TNS1: variants seen among roughly 807,000 people sequenced by gnomAD.
TNS1 encodes tensin-1.
Under a neutral mutation model 168.6 loss-of-function variants are expected in TNS1, and 62 were observed. The ratio of observed to expected loss-of-function variants is 0.37; its 90% CI spans 0.30 to 0.45. The LOEUF (loss-of-function observed/expected upper bound fraction) is 0.45, where lower values mean the gene tolerates loss of function less well. Among genes scored for constraint, TNS1 ranks in the 20% least tolerant of loss-of-function variants. The pLI is 1.00. For synonymous variants in TNS1, 934 were observed against 933.2 expected, an observed-to-expected ratio of 1.00 and a Z score of -0.02; for missense variants, 2,240 against 2,339.4, an observed-to-expected ratio of 0.96 and a Z score of 0.88.
chr2:218,013,534 C>A (rs1190665686), upstream of TNS1, among the ~76,000 whole-genome samples: 6 of 152,278 alleles, frequency 3.9e-5, no homozygotes, highest in Admixed American at 3.3e-4. Flanking sequence ...CCCCCAGCTC[C>A]TCGCATCTCC....
Position 217,901,742 on chromosome 2 carries a change from G to C in TNS1, c.322-1230C>G, listed in dbSNP as rs1368784691. On this transcript the variant is annotated intron_variant, in intron 6 of 32. Coordinates refer to ENST00000682258, the MANE Select transcript of TNS1 (RefSeq NM_001387777.1). ...TCCCTGGGAAGTTGACGGCCAGGCA[G>C]GATTCACACTCCAACCTGGGGCTTG... 2.0e-5 allele frequency: 3 copies of C among 152,376 alleles called. No homozygotes were observed. The East Asian group carries it at 5.8e-4, about 29-fold the overall frequency. The allele number at this position is 152,376 out of a possible 1,614,324, so 9.4% of individuals were successfully genotyped here. A position where few individuals can be genotyped will look rare whatever the true frequency, so the allele number is the denominator to read the frequency against.
chr2:217,818,012 C>G lies in TNS1; in HGVS notation c.4320G>C (p.Leu1440=), dbSNP rs1379266242. The change falls in exon 24 of 33, where the codon CTG becomes CTC. Residue 1440 remains leucine, a synonymous_variant. Coordinates refer to ENST00000682258, the MANE Select transcript of TNS1 (RefSeq NM_001387777.1). ...AGCCAGAGGCACTGCTCTGCCGGGA[C>G]AGTGTGGGTCTCCGATCCTCCGGGG... ...YSTPEDRRPT[L]SRQSSASGYQ... is the part of the protein sequence containing the mutation. 9 of 1,597,296 alleles carry G rather than the reference C, an allele frequency of 5.6e-6. No homozygotes were observed. The highest frequency in any genetic ancestry group is 1.1e-5 in the South Asian group (1 of 88,930).
upstream of TNS1, among the ~76,000 whole-genome samples, chr2:218,013,933 G>T (rs1442070174): frequency 6.6e-6 from 1 of 152,196 alleles, no homozygotes; most frequent in Non-Finnish European, 1.5e-5. Flanking sequence ...CCCCAAGTTT[G>T]CCCTGGATCT....
chr2:217,954,456 C>T (rs143371070), intron 3 of TNS1, among the ~76,000 whole-genome samples: 596 of 152,254 alleles, frequency 3.9e-3, no homozygotes, highest in African/African-American at 0.013. Context: ...GAGGGTGCTC[C>T]GGGTACTCTA....
rs140104262 is a variant in TNS1, at chr2:217,818,034, G to C, written c.4298C>G (p.Pro1433Arg). Residue 1433 changes from proline to arginine, a missense_variant, in exon 24 of 33, where the codon CCG becomes CGG. Physicochemically the swap from Pro to Arg is moderately radical, Grantham distance 103. Coordinates refer to ENST00000682258, the MANE Select transcript of TNS1 (RefSeq NM_001387777.1). The stretch of plus-strand genomic sequence containing the variant: ...GGACAGTGTGGGTCTCCGATCCTCC[G>C]GGGTAGAATAGCCACCATAGGCCAC... The part of the protein sequence containing the change: ...RHVAYGGYST[P>R]EDRRPTLSRQ... 6.2e-7 allele frequency: 1 copy of C among 1,602,502 alleles called. No individual in the cohort carries two copies. Among genetic ancestry groups the C allele is most frequent in the East Asian group, 2.3e-5 (1 of 44,384 alleles).
rs112752588 is a variant in TNS1, at chr2:217,830,514, C to T, written c.3373+941G>A. 5,823 of 1,142,594 alleles carry T rather than the reference C, an allele frequency of 5.1e-3. 23 individuals carry two copies. Among genetic ancestry groups the T allele is most frequent in the Non-Finnish European group, 6.2e-3 (4,992 of 799,100 alleles). 70.8% of individuals were successfully genotyped at this position (1,142,594 alleles called of 1,614,324 possible). A position where few individuals can be genotyped will look rare whatever the true frequency, so the allele number is the denominator to read the frequency against. ...CCAAGGGCCCAGGGAGCCCTGTCTCCCTCCACCATAAGAAGGAGAGGAGCT... is the reference window on the plus strand; with the variant it reads ...CCAAGGGCCCAGGGAGCCCTGTCTCTCTCCACCATAAGAAGGAGAGGAGCT... On this transcript the variant is annotated intron_variant, in intron 22 of 32. Transcript: ENST00000682258.
At chr2:218,010,342 G>A (rs1304295841) in exon 1 of TNS1, 1 of 395,584 alleles carries the variant, frequency 2.5e-6, no homozygotes, top group Non-Finnish European at 4.5e-6. Flanking sequence ...CTCAGCCCCG[G>A]AGGAGCAGCC....
At chr2:217,946,519 C>T (rs1957108822) in intron 3 of TNS1, among the ~76,000 whole-genome samples, 1 of 152,196 alleles carries the variant, frequency 6.6e-6, no homozygotes, top group African/African-American at 2.4e-5. Context: ...CTTAATACAG[C>T]ACTAGGCTGT....
At chr2:217,869,571 C>T (rs935204910) in intron 18 of TNS1, among the ~76,000 whole-genome samples, 4 of 152,122 alleles carry the variant, frequency 2.6e-5, no homozygotes, top group African/African-American at 9.7e-5. Flanking sequence ...CTCTGAGTGG[C>T]CTGATGGAGT....
chr2:217,884,542 T>C (rs1027692993), intron 16 of TNS1, among the ~76,000 whole-genome samples: 1 of 152,174 alleles, frequency 6.6e-6, no homozygotes, highest in African/African-American at 2.4e-5. Context: ...ACCCCTCCAC[T>C]ACTGCTCTTC....
chr2:218,002,779 G>A (rs968015653), intron 1 of TNS1, 61 bp downstream of exon 1: 2 of 456,174 alleles, frequency 4.4e-6, no homozygotes, highest in East Asian at 1.4e-4. Flanking sequence ...GGTGGCAGGG[G>A]CCGGTGGGGG....
At chr2:217,822,087 GC>G in intron 22 of TNS1, 149 bp from the exon 23 acceptor site, 1 of 840,524 alleles carries the variant, frequency 1.2e-6, no homozygotes, top group Non-Finnish European at 1.8e-6. Context: ...GCTCCTGCCT[GC>G]CCAGACCCAC....
Position 217,948,056 on chromosome 2 carries a change from C to T in TNS1, c.187-27820G>A, listed in dbSNP as rs935115102. Among the ~76,000 whole-genome samples the T allele has an allele frequency of 6.6e-6, 1 of 152,180 alleles. No homozygotes were observed. Among genetic ancestry groups the T allele is most frequent in the African/African-American group, 2.4e-5 (1 of 41,436 alleles). Reference sequence around the variant, plus strand: ...GCTCTTCCAACTCAAGCCCATGTCACCAGGTAACACAACTAGGAATTCCAG... The same window carrying T: ...GCTCTTCCAACTCAAGCCCATGTCATCAGGTAACACAACTAGGAATTCCAG... On this transcript the variant is annotated intron_variant, in intron 3 of 32. Coordinates refer to ENST00000682258, the MANE Select transcript of TNS1 (RefSeq NM_001387777.1). This position sits in a 1 kb window ranked among gnomAD's most constrained non-coding sequence, Gnocchi z 4.1.
rs200470974 is a variant in TNS1 at position 217,894,992 on chromosome 2, A to T, written c.594+14T>A. On this transcript the variant is annotated intron_variant, in intron 9 of 32. Coordinates refer to ENST00000682258, the MANE Select transcript of TNS1 (RefSeq NM_001387777.1). The stretch of plus-strand genomic sequence containing the variant: ...TCCTTCTCCTCCCCTACCCCAAAAC[A>T]GCCCCTGGCTCACCTTGGCATGGAG... The T allele has an allele frequency of 2.5e-6, 4 of 1,612,626 alleles. No individual in the cohort carries two copies. The highest frequency in any genetic ancestry group is 3.4e-6 in the Non-Finnish European group (4 of 1,179,504).
chr2:217,881,241 G>A, intron 17 of TNS1: 1 of 545,840 alleles, frequency 1.8e-6, no homozygotes, highest in South Asian at 2.4e-5. Context: ...GGTCATAGGG[G>A]TAAATCAGGA....
chr2:217,902,792 A>G (rs1481419997), intron 6 of TNS1, among the ~76,000 whole-genome samples: 1 of 152,088 alleles, frequency 6.6e-6, no homozygotes, highest in Admixed American at 6.5e-5. Context: ...AGGATGGGGG[A>G]CGAACAGCTG....
At chr2:217,882,324 T>C in intron 17 of TNS1, 22 bp downstream of exon 17, 6 of 1,542,468 alleles carry the variant, frequency 3.9e-6, no homozygotes, top group Non-Finnish European at 5.4e-6. Context: ...AGTGAGAGAA[T>C]GAATTCTAAC....
At chr2:217,835,914 G>A in intron 20 of TNS1, 101 bp downstream of exon 20, 1 of 1,055,248 alleles carries the variant, frequency 9.5e-7, no homozygotes, top group Non-Finnish European at 1.4e-6. Flanking sequence ...ACAAATCACT[G>A]AGTATACTGA....
At chr2:217,881,378 T>C in intron 17 of TNS1, 1 of 205,078 alleles carries the variant, frequency 4.9e-6, no homozygotes, top group Non-Finnish European at 9.9e-6. Context: ...AGTCTGCCCC[T>C]GGGGTCAGAC....
Sources: gnomAD v4.1 joint callset for allele counts (sites outside exome capture counted in the v4.1 genomes callset) on GRCh38, gnomAD v4.1.1 for gene constraint, Gnocchi (gnomAD v3.1) non-coding constraint, MANE v1.5 for transcripts, NCBI Gene and HGNC (gene_info 2026-07-23, HGNC 2026-07-21) for gene names.